The following ZNF423 variants were observed in gnomAD, a reference collection of about 807,000 sequenced individuals.
ZNF423 encodes the protein zinc finger protein 423.
In ZNF423, 12 loss-of-function variants were observed where a neutral mutation model predicts 95.8. That is an observed-to-expected ratio of 0.13 (90% CI 0.08 to 0.20). The LOEUF is 0.20. Among genes scored for constraint, ZNF423 ranks in the 10% least tolerant of loss-of-function variants. ZNF423 has a pLI of 1.00. For synonymous variants in ZNF423, 749 were observed against 711.9 expected (o/e 1.05, Z -0.83); for missense variants, 1,316 against 1,737.1 (o/e 0.76, Z 4.31).
chr16:49,763,584 C>T (rs1218439493), intron 2 of ZNF423, among the ~76,000 whole-genome samples: 1 of 152,142 alleles, frequency 6.6e-6, no homozygotes, highest in Non-Finnish European at 1.5e-5. Flanking sequence ...CACTTCTTCG[C>T]CTCTATCACA....
chr16:49,508,066 G>A (rs1256054295), intron 7 of ZNF423, among the ~76,000 whole-genome samples: 2 of 152,176 alleles, frequency 1.3e-5, no homozygotes, highest in African/African-American at 4.8e-5. Flanking sequence ...GAGGCCTTGG[G>A]GGGTTAGTTG....
At chr16:49,542,375 G>A (rs1298627872) in intron 5 of ZNF423, among the ~76,000 whole-genome samples, 1 of 152,202 alleles carries the variant, frequency 6.6e-6, no homozygotes, top group East Asian at 1.9e-4. Context: ...ATATAATTGT[G>A]CTTGATGCAT....
chr16:49,576,323 T>C (rs1274441855), intron 5 of ZNF423, among the ~76,000 whole-genome samples: 2 of 152,176 alleles, frequency 1.3e-5, no homozygotes, highest in East Asian at 3.9e-4. Context: ...AGGGAGCTCA[T>C]GGTGCCAGGT....
intron 5 of ZNF423, among the ~76,000 whole-genome samples, chr16:49,566,084 C>A (rs8063074): frequency 3.3e-5 from 5 of 152,082 alleles, no homozygotes; most frequent in African/African-American, 4.8e-5. Context: ...GGTCTAACCC[C>A]ACTTCCAGTG....
chr16:49,558,385 GA>G (rs1424973212), intron 5 of ZNF423, among the ~76,000 whole-genome samples: 1 of 152,228 alleles, frequency 6.6e-6, no homozygotes, highest in Non-Finnish European at 1.5e-5. Context: ...GGCAAGGAGA[GA>G]AAGTTCCATG....
intron 2 of ZNF423, among the ~76,000 whole-genome samples, chr16:49,755,001 G>C (rs1181800790): frequency 6.6e-6 from 1 of 152,178 alleles, no homozygotes. Context: ...CACTGCAACA[G>C]TCCGCCGGTG....
In ZNF423 at chr16:49,519,211, C is replaced by T. The variant is rs926733827; in HGVS notation, c.3849+4413G>A. ...AAATAAGGGACAACGAGCAGGCCTCCGGTTTGGGGCCATGACAAAGCTGTT... is the reference window on the plus strand; with the variant it reads ...AAATAAGGGACAACGAGCAGGCCTCTGGTTTGGGGCCATGACAAAGCTGTT... On this transcript the variant is annotated intron_variant, in intron 7 of 7. Coordinates refer to ENST00000563137, the MANE Select transcript of ZNF423 (RefSeq NM_001379286.1). Among the ~76,000 whole-genome samples the T allele has an allele frequency of 4.6e-5, 7 of 152,182 alleles. No homozygotes were observed. The East Asian group carries it at 5.8e-4, about 13-fold the overall frequency.
At chr16:49,491,600 G>A (rs573863231) in intron 7 of ZNF423, among the ~76,000 whole-genome samples, 48 of 149,440 alleles carry the variant, frequency 3.2e-4, no homozygotes, top group Middle Eastern at 3.4e-3. Flanking sequence ...GACTGGCTAG[G>A]TGGAGGGAAA....
chr16:49,549,211 T>C (rs868298298), intron 5 of ZNF423, among the ~76,000 whole-genome samples: 1 of 152,164 alleles, frequency 6.6e-6, no homozygotes, highest in African/African-American at 2.4e-5. Flanking sequence ...CTCTTGGCTT[T>C]GCCTGGTGAA....
Position 49,487,953 on chromosome 16 carries a change from G to A in ZNF423, c.*3322C>T, listed in dbSNP as rs1317771785. The stretch of plus-strand genomic sequence containing the variant: ...TTGCCATCACGGCACTCATGACCAG[G>A]TGTGGCTATGCATTTACTGGCATGC... On this transcript the variant is annotated 3_prime_UTR_variant, in exon 8 of 8. Coordinates refer to ENST00000563137, the MANE Select transcript of ZNF423 (RefSeq NM_001379286.1). The A allele has an allele frequency of 1.3e-5, 2 of 152,242 alleles. No individual in the cohort carries two copies. Among genetic ancestry groups the A allele is most frequent in the African/African-American group, 4.8e-5 (2 of 41,446 alleles). 9.4% of individuals were successfully genotyped at this position (152,242 alleles called of 1,614,324 possible).
At chr16:49,804,918 CAG>C (rs1292849168) in intron 1 of ZNF423, among the ~76,000 whole-genome samples, 14 of 109,424 alleles carry the variant, frequency 1.3e-4, no homozygotes, top group Admixed American at 7.1e-4. Flanking sequence ...TTTTTTGAGA[CAG>C]AGTCTTACTT....
At chr16:49,761,672 G>C (rs1029110870) in intron 2 of ZNF423, among the ~76,000 whole-genome samples, 6 of 152,188 alleles carry the variant, frequency 3.9e-5, no homozygotes, top group African/African-American at 1.4e-4. Flanking sequence ...TGGGTGCTGA[G>C]AAAATGGCAA....
intron 3 of ZNF423, among the ~76,000 whole-genome samples, chr16:49,649,907 C>T (rs562022055): frequency 6.6e-6 from 1 of 152,342 alleles, no homozygotes; most frequent in Non-Finnish European, 1.5e-5. Flanking sequence ...TAGAATTATG[C>T]TATTAGCAAA....
rs566309090 is a variant in ZNF423 at position 49,679,647 on chromosome 16, C to T, written c.302-40773G>A. Among the ~76,000 whole-genome samples, 5 of 152,328 alleles carry T rather than the reference C, an allele frequency of 3.3e-5. No individual in the cohort carries two copies. In the East Asian group the frequency reaches 5.8e-4, roughly 18 times the overall value. The stretch of plus-strand genomic sequence containing the variant: ...GGAGCTAAGGGTGGCTCAGCGTGGG[C>T]CTGCAGGTGCCCCTCGGCACAAACA... On this transcript the variant is annotated intron_variant, in intron 3 of 7. Coordinates refer to ENST00000563137, the MANE Select transcript of ZNF423 (RefSeq NM_001379286.1).
chr16:49,677,295 AGAGAAGAGAAGAGAAAGGAG>A (rs2031126502), intron 3 of ZNF423, among the ~76,000 whole-genome samples: 1 of 93,266 alleles, frequency 1.1e-5, no homozygotes, highest in Admixed American at 1.1e-4. Context: ...AGAGAAGAGA[AGAGAAGAGAAGAGAAAGGAG>A]GGGAAGGGAG....
At chr16:49,857,171 G>A (rs2035380405), upstream of ZNF423, among the ~76,000 whole-genome samples, 1 of 150,592 alleles carries the variant, frequency 6.6e-6, no homozygotes, top group East Asian at 1.9e-4. This position sits in a 1 kb window ranked among gnomAD's most constrained non-coding sequence, Gnocchi z 6.2. Flanking sequence ...CGGAGTCCCG[G>A]CGGGGGAGCG....
intron 3 of ZNF423, among the ~76,000 whole-genome samples, chr16:49,679,014 A>G (rs2031237956): frequency 6.6e-6 from 1 of 152,214 alleles, no homozygotes; most frequent in South Asian, 2.1e-4. Flanking sequence ...AGGAGCCCAC[A>G]GTGACTCGCA....
In ZNF423 at chr16:49,488,682, T is replaced by C. The variant is rs2151636563; in HGVS notation, c.*2593A>G. On this transcript the variant is annotated 3_prime_UTR_variant, in exon 8 of 8. Coordinates refer to ENST00000563137, the MANE Select transcript of ZNF423 (RefSeq NM_001379286.1). ...AGAGACCCTCTAAGGCCCCTCACAG[T>C]TGAAAGGCAAGTGTCTCATCCCAGC... The C allele has an allele frequency of 6.6e-6, 1 of 152,404 alleles. No homozygotes were observed. Among genetic ancestry groups the C allele is most frequent in the South Asian group, 2.1e-4 (1 of 4,828 alleles). 9.4% of individuals were successfully genotyped at this position (152,404 alleles called of 1,614,324 possible). A position where few individuals can be genotyped will look rare whatever the true frequency, so the allele number is the denominator to read the frequency against.
intron 7 of ZNF423, among the ~76,000 whole-genome samples, chr16:49,502,088 G>A (rs986344844): frequency 5.3e-5 from 8 of 152,102 alleles, no homozygotes; most frequent in Admixed American, 3.3e-4. Flanking sequence ...GATGTTTAAA[G>A]TACTATGCAA....
Sources: allele counts gnomAD v4.1 joint callset (sites outside exome capture counted in the v4.1 genomes callset), GRCh38; gene constraint gnomAD v4.1.1; non-coding constraint Gnocchi (gnomAD v3.1); transcripts MANE v1.5; gene names NCBI Gene and HGNC (gene_info 2026-07-23, HGNC 2026-07-21).